GAK: variants seen among roughly 807,000 people sequenced by gnomAD.
GAK encodes the protein cyclin-G-associated kinase.
Under a neutral mutation model 143.9 loss-of-function variants are expected in GAK, and 79 were observed. That is an observed-to-expected ratio of 0.55 (90% CI 0.46 to 0.66). The LOEUF (loss-of-function observed/expected upper bound fraction) is 0.66, where lower values mean the gene tolerates loss of function less well. Ranked by LOEUF, GAK falls within the 30% of genes least tolerant of loss-of-function variation. The pLI, the probability that GAK is intolerant of heterozygous loss-of-function variation, is 0.00. For synonymous variants in GAK, 881 were observed against 765.5 expected (o/e 1.15, Z -2.49); for missense variants, 1,693 against 1,779.7 (o/e 0.95, Z 0.88).
chr4:911,060 A>G (rs1721967555), intron 4 of GAK, among the ~76,000 whole-genome samples: 1 of 151,828 alleles, frequency 6.6e-6, no homozygotes, highest in African/African-American at 2.4e-5. Flanking sequence ...GAACTCTCCG[A>G]AAGCACCACC....
chr4:888,575 G>A, intron 11 of GAK: 2 of 457,870 alleles, frequency 4.4e-6, no homozygotes, highest in Non-Finnish European at 3.9e-6. Context: ...CAGAGTGAGG[G>A]GCGACATTGC....
intron 5 of GAK, among the ~76,000 whole-genome samples, chr4:903,488 G>A (rs533263844): frequency 7.2e-5 from 11 of 152,260 alleles, no homozygotes; most frequent in Non-Finnish European, 1.0e-4. Flanking sequence ...CCAAGAGGCC[G>A]AACCAGGGAG....
At position 849,432 on chromosome 4, in the gene GAK, C is replaced by T; in HGVS notation, c.*241G>A. 1.8e-6 allele frequency: 1 copy of T among 557,822 alleles called. No individual in the cohort carries two copies. 34.6% of individuals were successfully genotyped at this position (557,822 alleles called of 1,614,324 possible). On this transcript the variant is annotated 3_prime_UTR_variant, in exon 28 of 28. Coordinates refer to ENST00000314167, the MANE Select transcript of GAK (RefSeq NM_005255.4). Reference sequence around the variant, plus strand: ...AACACCAAATAAATCACAGACGTGACAATTGCGGGAGGAGCATGAATCAGC... The same window carrying T: ...AACACCAAATAAATCACAGACGTGATAATTGCGGGAGGAGCATGAATCAGC...
At chr4:908,254 C>G (rs928257216) in intron 4 of GAK, among the ~76,000 whole-genome samples, 2 of 152,218 alleles carry the variant, frequency 1.3e-5, no homozygotes, top group Admixed American at 6.5e-5. Flanking sequence ...AAGGCTCACA[C>G]AGCAGGCAGG....
At chr4:931,266 A>G (rs1725698226) in intron 1 of GAK, among the ~76,000 whole-genome samples, 1 of 152,088 alleles carries the variant, frequency 6.6e-6, no homozygotes, top group African/African-American at 2.4e-5. Context: ...TGACCTGTCC[A>G]CTCTGCAAGT....
At position 851,760 on chromosome 4, in the gene GAK, T is replaced by C. The variant is rs1280272795; in HGVS notation, c.3498A>G (p.Ala1166=). 10 of 1,613,084 alleles carry C rather than the reference T, an allele frequency of 6.2e-6. No homozygotes were observed. Among genetic ancestry groups the C allele is most frequent in the Non-Finnish European group, 7.6e-6 (9 of 1,179,854 alleles). Residue 1166 remains alanine, a synonymous_variant, in exon 25 of 28, where the codon GCA becomes GCG. Coordinates refer to ENST00000314167, the MANE Select transcript of GAK (RefSeq NM_005255.4). The stretch of plus-strand genomic sequence containing the variant: ...GAGTGGGGGACTCACCAAAGCTGGG[T>C]GCGCGGACCCCCCGCTCCTCCCGCG... The part of the protein sequence containing the change: ...IGAREERGVR[A]PSFAQKPKVS...
At chr4:893,731 C>A in intron 8 of GAK, 143 bp downstream of exon 8, 10 of 1,057,842 alleles carry the variant, frequency 9.5e-6, no homozygotes, top group Non-Finnish European at 1.3e-5. Flanking sequence ...GGAAACCCCC[C>A]CCCCAGGGAT....
intron 20 of GAK, among the ~76,000 whole-genome samples, chr4:868,158 G>C (rs577144349): frequency 6.6e-6 from 1 of 152,278 alleles, no homozygotes; most frequent in South Asian, 2.1e-4. Context: ...CCCACTGGGG[G>C]TGTGGGCAAA....
intron 27 of GAK, 51 bp from the exon 28 acceptor site, chr4:849,825 C>CGGGGGGGGG: frequency 2.4e-6 from 3 of 1,229,752 alleles, no homozygotes; most frequent in Non-Finnish European, 3.3e-6. Context: ...CGGGGGCGGG[C>CGGGGGGGGG]GGGGCAGGAC....
chr4:888,252 G>A (rs1402460902), intron 11 of GAK: 3 of 152,366 alleles, frequency 2.0e-5, no homozygotes, highest in Non-Finnish European at 2.9e-5. Context: ...AGCAGCCAGC[G>A]TGCTCCTGGG....
intron 23 of GAK, among the ~76,000 whole-genome samples, chr4:862,977 A>C (rs1750566429): frequency 6.6e-6 from 1 of 152,216 alleles, no homozygotes; most frequent in South Asian, 2.1e-4. Flanking sequence ...CTATTTAAGA[A>C]ACACATTTCT....
At chr4:889,070 C>G in intron 10 of GAK, 100 bp from the exon 11 acceptor site, 2 of 1,373,120 alleles carry the variant, frequency 1.5e-6, no homozygotes, top group Non-Finnish European at 1.9e-6. Context: ...TCGGTCCCAC[C>G]TCCCCAGGCG....
At chr4:849,833 G>GGGGGCC in intron 27 of GAK, 59 bp from the exon 28 acceptor site, 1 of 1,190,140 alleles carries the variant, frequency 8.4e-7, no homozygotes, top group Non-Finnish European at 1.2e-6. Flanking sequence ...GGCGGGGCAG[G>GGGGGCC]ACCCCCCCCC....
chr4:890,690 A>G (rs1717469348), intron 9 of GAK, 68 bp from the exon 10 acceptor site: 5 of 1,339,366 alleles, frequency 3.7e-6, no homozygotes, highest in Admixed American at 2.0e-5. Flanking sequence ...CGTCGGGCAG[A>G]GGTACGGTAT....
intron 5 of GAK, among the ~76,000 whole-genome samples, chr4:899,420 G>C (rs183316948): frequency 1.5e-3 from 226 of 152,236 alleles, no homozygotes; most frequent in Non-Finnish European, 2.2e-4. Flanking sequence ...GGTCAGTACG[G>C]GCTCCCACAG....
In GAK at chr4:876,600, T is replaced by C. The variant is rs1047791929; in HGVS notation, c.1984A>G (p.Met662Val). The stretch of plus-strand genomic sequence containing the variant: ...TGGAACTGAATCTGGAACATCTTCA[T>C]GGATGCCATCTGCAAAGAGAGCAAA... Reference protein sequence around the residue: ...GGRLQAKMASMKMFQIQFHTG... With the variant: ...GGRLQAKMASVKMFQIQFHTG... The change falls in exon 18 of 28, where the codon ATG becomes GTG. Residue 662 changes from methionine (M) to valine (V), a missense_variant. This residue lies in a region of GAK where 871 missense variants were observed against 991.0 expected (regional missense o/e 0.88). Coordinates refer to ENST00000314167, the MANE Select transcript of GAK (RefSeq NM_005255.4). The C allele has an allele frequency of 1.2e-6, 2 of 1,614,098 alleles. No homozygotes were observed. The highest frequency in any genetic ancestry group is 1.1e-5 in the South Asian group (1 of 91,088).
At chr4:877,875 T>A (rs1329191596) in intron 15 of GAK, 66 bp from the exon 16 acceptor site, 3 of 1,425,502 alleles carry the variant, frequency 2.1e-6, no homozygotes, top group African/African-American at 2.9e-5. Flanking sequence ...GCTGATTTTG[T>A]CTTTCGAATA....
At chr4:914,650 C>A (rs1441743339) in intron 1 of GAK, among the ~76,000 whole-genome samples, 3 of 118,494 alleles carry the variant, frequency 2.5e-5, no homozygotes, top group Admixed American at 9.1e-5. Context: ...GCGTGCACGG[C>A]CCCACACACA....
rs774652166 is a variant in GAK at position 890,622 on chromosome 4, G to A, written c.991C>T (p.Leu331Phe). The change falls in exon 10 of 28, where the codon CTC (leucine) becomes TTC (phenylalanine). Residue 331 changes from leucine (L) to phenylalanine (F), a missense_variant and splice_region_variant. Physicochemically the swap from Leu to Phe is conservative, Grantham distance 22. Transcript: ENST00000314167. ...CCGTAGCCTCCATTCTGCTCCAGGA[G>A]CTGTGACAATGAAAATGCAGAGGTC... is the stretch of plus-strand genomic sequence containing the variant. The part of the protein sequence containing the change: ...NVNPKSPITE[L>F]LEQNGGYGSA... 2.5e-6 allele frequency: 4 copies of A among 1,609,170 alleles called. No homozygotes were observed. Among genetic ancestry groups the A allele is most frequent in the Non-Finnish European group, 1.7e-6 (2 of 1,178,592 alleles).
Sources: allele counts gnomAD v4.1 joint callset (sites outside exome capture counted in the v4.1 genomes callset), GRCh38; gene constraint gnomAD v4.1.1; regional missense constraint gnomAD v4.1.1; transcripts MANE v1.5; gene names NCBI Gene and HGNC (gene_info 2026-07-23, HGNC 2026-07-21).